The following ABCG5 variants were observed in gnomAD, a reference collection of about 807,000 sequenced individuals.
ABCG5 encodes ATP-binding cassette sub-family G member 5.
ABCG5 carries 64 observed loss-of-function variants against 64.5 expected under a neutral mutation model. That is an observed-to-expected ratio of 0.99 (90% CI 0.81 to 1.22). The LOEUF (loss-of-function observed/expected upper bound fraction) is 1.22. Among genes scored for constraint, ABCG5 ranks in the 50% most tolerant of loss-of-function variants. The probability of loss-of-function intolerance (pLI) is 0.00; values close to 1 mark genes in which losing one functional copy is unlikely to be tolerated. For synonymous variants in ABCG5, 385 were observed against 326.3 expected, an observed-to-expected ratio of 1.18 and a Z score of -1.94; for missense variants, 908 against 829.5, an observed-to-expected ratio of 1.09 and a Z score of -1.16.
At chr2:43,822,715 C>A in intron 10 of ABCG5, 82 bp downstream of exon 10, 1 of 1,449,704 alleles carries the variant, frequency 6.9e-7, no homozygotes, top group South Asian at 1.5e-5. Flanking sequence ...AGAACTTCAC[C>A]CTGGAGCTCT....
downstream of ABCG5, chr2:43,812,369 G>C (rs927595400): frequency 2.8e-5 from 4 of 144,454 alleles, no homozygotes; most frequent in Non-Finnish European, 6.0e-5. Context: ...TTAAGTTTTA[G>C]GGTACATGTG....
At chr2:43,831,748 T>G (rs1667957392) in intron 4 of ABCG5, 21 bp downstream of exon 4, 2 of 1,560,336 alleles carry the variant, frequency 1.3e-6, no homozygotes, top group Non-Finnish European at 8.7e-7. Context: ...TTGCCCTCTG[T>G]GAGCGGGGGG....
intron 11 of ABCG5, 26 bp downstream of exon 11, chr2:43,819,889 A>G: frequency 6.2e-7 from 1 of 1,612,266 alleles, no homozygotes; most frequent in African/African-American, 1.3e-5. Context: ...ATCCCAATCT[A>G]AATTTTTTGA....
intron 9 of ABCG5, 150 bp from the exon 10 acceptor site, chr2:43,823,085 T>C (rs925822665): frequency 9.9e-7 from 1 of 1,006,366 alleles, no homozygotes; most frequent in Non-Finnish European, 1.5e-6. Flanking sequence ...GGACCTGCCA[T>C]CCACAGGACA....
chr2:43,810,641 T>C (rs1473955374), downstream of ABCG5: 1 of 448,378 alleles, frequency 2.2e-6, no homozygotes, highest in Admixed American at 6.4e-5. Flanking sequence ...GGGAGTACTG[T>C]CTGAGCAGAT....
In ABCG5 at chr2:43,820,936, G is replaced by C. The variant is rs192205118; in HGVS notation, c.1464-836C>G. Among the ~76,000 whole-genome samples the C allele has an allele frequency of 1.1e-4, 16 of 152,322 alleles. No individual in the cohort carries two copies. The East Asian group carries it at 1.9e-3, about 18-fold the overall frequency. On this transcript the variant is annotated intron_variant, in intron 10 of 12. Coordinates refer to ENST00000405322, the MANE Select transcript of ABCG5 (RefSeq NM_022436.3). Reference sequence around the variant, plus strand: ...CCCAAAGTGCTAGGATTACAGGCATGAGCTACCATGCCTGGCCTGACCTTC... The same window carrying C: ...CCCAAAGTGCTAGGATTACAGGCATCAGCTACCATGCCTGGCCTGACCTTC...
chr2:43,824,146 C>T (rs1667438384), intron 8 of ABCG5, 28 bp from the exon 9 acceptor site: 1 of 1,614,112 alleles, frequency 6.2e-7, no homozygotes, highest in Non-Finnish European at 8.5e-7. Context: ...TGTTTTAATT[C>T]CTTTTCAGAA....
At chr2:43,807,302 G>C in the ABCG5 span, among the ~76,000 whole-genome samples, 1 of 151,934 alleles carries the variant, frequency 6.6e-6, no homozygotes, top group Non-Finnish European at 1.5e-5. Context: ...TCTGTCTTTT[G>C]CCAGACTTCA....
chr2:43,809,020 A>T (rs992390461), downstream of ABCG5, among the ~76,000 whole-genome samples: 10 of 149,984 alleles, frequency 6.7e-5, no homozygotes, highest in Admixed American at 6.0e-4. Flanking sequence ...ACAGGATCTC[A>T]CTCTGTCACC....
chr2:43,837,824 C>A lies in ABCG5; in HGVS notation c.265+10G>T. The A allele has an allele frequency of 6.2e-7, 1 of 1,613,780 alleles. No homozygotes were observed. The highest frequency in any genetic ancestry group is 8.5e-7 in the Non-Finnish European group (1 of 1,179,858). ...CAAATCCTTTTTAGAATCCTCCTTC[C>A]CAAGCTTACCTGAGCTTCCTAGGAT... On this transcript the variant is annotated intron_variant, in intron 2 of 12. Transcript: ENST00000405322.
At position 43,819,932 on chromosome 2, in the gene ABCG5, A is replaced by C. The variant is rs1313431656; in HGVS notation, c.1632T>G (p.Val544=). 6.2e-7 allele frequency: 1 copy of C among 1,614,200 alleles called. No individual in the cohort carries two copies. Among genetic ancestry groups the C allele is most frequent in the Non-Finnish European group, 8.5e-7 (1 of 1,180,036 alleles). Residue 544 remains valine (V), a synonymous_variant, in exon 11 of 13, where the codon GTT becomes GTG. Transcript: ENST00000405322. ...VALLSIAGVL[V]GSGFLRNIQE... is the part of the protein sequence containing the mutation. ...TATCTTACCTGAGGAATCCAGATCC[A>C]ACAAGCACCCCCGCAATGGACAGCA...
At chr2:43,818,437 G>A (rs1666985603) in intron 11 of ABCG5, among the ~76,000 whole-genome samples, 1 of 152,128 alleles carries the variant, frequency 6.6e-6, no homozygotes, top group African/African-American at 2.4e-5. Context: ...GAGTGAAACT[G>A]TGTTTCAAAA....
intron 4 of ABCG5, chr2:43,828,369 C>G (rs1051430003): frequency 2.0e-6 from 1 of 493,754 alleles, no homozygotes; most frequent in Non-Finnish European, 3.6e-6. Context: ...GGTGCAGTGG[C>G]TCATGCCTGT....
intron 9 of ABCG5, among the ~76,000 whole-genome samples, chr2:43,823,432 T>C (rs573447001): frequency 6.6e-6 from 1 of 152,258 alleles, no homozygotes; most frequent in Admixed American, 6.5e-5. Flanking sequence ...TCCCTAACAG[T>C]GTTGCCTTTG....
intron 9 of ABCG5, 77 bp downstream of exon 9, chr2:43,823,836 G>A (rs1667409251): frequency 1.3e-6 from 2 of 1,523,574 alleles, no homozygotes; most frequent in Non-Finnish European, 1.8e-6. Context: ...TATAATGGTA[G>A]ACTTTTGTAA....
intron 2 of ABCG5, among the ~76,000 whole-genome samples, chr2:43,834,982 A>G (rs1206614673): frequency 6.6e-6 from 1 of 152,252 alleles, no homozygotes; most frequent in African/African-American, 2.4e-5. Context: ...GTAATTCATA[A>G]AATTATTTTA....
intron 2 of ABCG5, among the ~76,000 whole-genome samples, chr2:43,837,121 T>C (rs74350123): frequency 1.9e-5 from 1 of 51,506 alleles, no homozygotes; most frequent in Non-Finnish European, 3.5e-5. Flanking sequence ...TTCTCCAGTC[T>C]TTTTTTTTTT....
chr2:43,833,830 G>A (rs1473699458), intron 2 of ABCG5, among the ~76,000 whole-genome samples: 4 of 152,174 alleles, frequency 2.6e-5, no homozygotes, highest in Admixed American at 1.3e-4. Flanking sequence ...AATTACAGGC[G>A]TGTGCCACCA....
At position 43,813,216 on chromosome 2, in the gene ABCG5, C is replaced by G. The variant is rs374012053; in HGVS notation, c.1856G>C (p.Arg619Thr). The G allele has an allele frequency of 2.9e-5, 46 of 1,611,330 alleles. No homozygotes were observed. In the East Asian group the frequency reaches 8.7e-4, roughly 30 times the overall value. ...IEKTCPGATS[R>T]FTMNFLILYS... ...CAAAATCAGAAAGTTCATTGTGAAT[C>G]TAGATGTTGCACCTGGGCAGGTTTT... The change falls in exon 13 of 13, where the codon AGA becomes ACA. Residue 619 changes from arginine (R) to threonine (T), a missense_variant. Transcript: ENST00000405322.
Sources: allele counts gnomAD v4.1 joint callset (sites outside exome capture counted in the v4.1 genomes callset), GRCh38; gene constraint gnomAD v4.1.1; transcripts MANE v1.5; gene names NCBI Gene and HGNC (gene_info 2026-07-23, HGNC 2026-07-21).